The following CACNA2D1 variants were observed in gnomAD, a reference collection of about 807,000 sequenced individuals.
CACNA2D1 encodes voltage-dependent calcium channel subunit alpha-2/delta-1.
In CACNA2D1, 53 loss-of-function variants were observed where a neutral mutation model predicts 171.5. The observed-to-expected ratio is 0.31, with a 90% confidence interval of 0.25 to 0.39. The LOEUF (loss-of-function observed/expected upper bound fraction) is 0.39. Among genes scored for constraint, CACNA2D1 ranks in the 10% least tolerant of loss-of-function variants. The pLI is 1.00. For missense variants in CACNA2D1, 903 were observed against 1,299.8 expected, an observed-to-expected ratio of 0.69 and a Z score of 4.69; for synonymous variants, 442 against 443.1, an observed-to-expected ratio of 1.00 and a Z score of 0.03.
intron 3 of CACNA2D1, among the ~76,000 whole-genome samples, chr7:82,231,934 C>G (rs1469825699): frequency 6.6e-6 from 1 of 152,014 alleles, no homozygotes; most frequent in Non-Finnish European, 1.5e-5. Flanking sequence ...ATATTATAAC[C>G]AAGTCTTCAT....
At chr7:82,149,650 C>T (rs1793557030) in intron 4 of CACNA2D1, among the ~76,000 whole-genome samples, 1 of 151,922 alleles carries the variant, frequency 6.6e-6, no homozygotes, top group African/African-American at 2.4e-5. Flanking sequence ...AGAGTATGTG[C>T]TTGGCCGGGT....
intron 1 of CACNA2D1, among the ~76,000 whole-genome samples, chr7:82,384,510 A>T (rs919311819): frequency 6.6e-6 from 1 of 152,156 alleles, no homozygotes; most frequent in Non-Finnish European, 1.5e-5. Context: ...CTTTCATTTA[A>T]GCCACCCAGT....
chr7:82,303,143 G>A (rs543433609), intron 3 of CACNA2D1, among the ~76,000 whole-genome samples: 39 of 152,116 alleles, frequency 2.6e-4, no homozygotes, highest in African/African-American at 6.5e-4. Flanking sequence ...ACAGGCGCCC[G>A]CCACCATGCC....
At chr7:82,162,191 TAAAGGTGA>T (rs1241412664) in intron 4 of CACNA2D1, among the ~76,000 whole-genome samples, 1 of 151,926 alleles carries the variant, frequency 6.6e-6, no homozygotes, top group Non-Finnish European at 1.5e-5. Flanking sequence ...GGCCAGTGAG[TAAAGGTGA>T]AAATGTGAAA....
At chr7:82,012,271 G>T in intron 14 of CACNA2D1, 28 bp from the exon 15 acceptor site, 1 of 1,083,298 alleles carries the variant, frequency 9.2e-7, no homozygotes, top group Non-Finnish European at 1.4e-6. Context: ...AAAAAAAGTC[G>T]TGGTTAAAAC....
At chr7:82,180,516 C>G (rs1022821970) in intron 3 of CACNA2D1, among the ~76,000 whole-genome samples, 20 of 152,286 alleles carry the variant, frequency 1.3e-4, no homozygotes, top group African/African-American at 4.6e-4. Flanking sequence ...GGCAAAATCT[C>G]AGACCCTTTA....
chr7:82,422,367 C>T (rs1326599083), intron 1 of CACNA2D1, among the ~76,000 whole-genome samples: 4 of 152,004 alleles, frequency 2.6e-5, no homozygotes, highest in African/African-American at 4.8e-5. Flanking sequence ...TTATCAATAA[C>T]GTATTTGTTG....
chr7:82,157,281 C>A (rs761678337), intron 4 of CACNA2D1, among the ~76,000 whole-genome samples: 21 of 152,204 alleles, frequency 1.4e-4, no homozygotes, highest in Admixed American at 5.9e-4. Context: ...AGCCCCTACA[C>A]CAGAGAATCC....
Position 82,187,478 on chromosome 7 carries a change from TA to T in CACNA2D1, c.295-16870del, listed in dbSNP as rs1797887733. ...GTATTTATTACTCCAGCAACATCTG[TA>T]GATAAGATTTGTTAGCATTTTCAAT... On this transcript the variant is annotated intron_variant, in intron 3 of 38. Transcript: ENST00000356860. Among the ~76,000 whole-genome samples, 3 of 152,218 alleles carry T rather than the reference TA, an allele frequency of 2.0e-5. No homozygotes were observed. The South Asian group carries it at 6.2e-4, about 32-fold the overall frequency.
At chr7:82,252,172 G>C (rs1805723350) in intron 3 of CACNA2D1, among the ~76,000 whole-genome samples, 1 of 152,136 alleles carries the variant, frequency 6.6e-6, no homozygotes, top group South Asian at 2.1e-4. Context: ...ATTTCAGTAA[G>C]CTTCTTCCCT....
intron 24 of CACNA2D1, 63 bp downstream of exon 24, chr7:81,982,504 C>T (rs1284257233): frequency 4.5e-6 from 4 of 896,056 alleles, no homozygotes; most frequent in Non-Finnish European, 7.6e-6. Flanking sequence ...TGACTCAATT[C>T]TGAACTACTG....
chr7:81,994,870 C>A lies in CACNA2D1; in HGVS notation c.1732G>T (p.Glu578Ter), dbSNP rs1554343871. 1.4e-6 allele frequency: 2 copies of A among 1,409,296 alleles called. No homozygotes were observed. The highest frequency in any genetic ancestry group is 1.2e-5 in the South Asian group (1 of 86,612). The allele number at this position is 1,409,296 out of a possible 1,614,324, so 87.3% of individuals were successfully genotyped here. ...AATAAGCTAGAATCAATTCTTACCT[C>A]ATCTTGAGATTTAACCAGAGTTCTG... Reference protein sequence around the residue: ...TFRTLVKSQDERYIDKGNRTY... With the variant: ...TFRTLVKSQD Residue 578 changes from glutamate to a stop codon, truncating the protein, a stop_gained and splice_region_variant, in exon 20 of 39, where the codon GAG becomes TAG. Transcript: ENST00000356860. LOFTEE classifies it high-confidence loss of function.
chr7:82,179,694 T>C (rs1430543510), intron 3 of CACNA2D1, among the ~76,000 whole-genome samples: 1 of 152,146 alleles, frequency 6.6e-6, no homozygotes, highest in African/African-American at 2.4e-5. Flanking sequence ...CTGCCACTTA[T>C]GACCAGCAGC....
chr7:82,170,402 C>A (rs764098453), intron 4 of CACNA2D1, 148 bp downstream of exon 4: 1 of 765,086 alleles, frequency 1.3e-6, no homozygotes, highest in Non-Finnish European at 2.2e-6. Flanking sequence ...TACCCAAAAG[C>A]AATTTATTTA....
intron 38 of CACNA2D1, among the ~76,000 whole-genome samples, chr7:81,955,980 A>ATTT (rs1164601123): frequency 5.8e-4 from 20 of 34,546 alleles, no homozygotes; most frequent in East Asian, 1.4e-3. Flanking sequence ...ATATATATAT[A>ATTT]TTTTTTTTTT....
chr7:82,020,544 AGAT>A (rs1453549316), intron 12 of CACNA2D1, among the ~76,000 whole-genome samples: 3 of 152,096 alleles, frequency 2.0e-5, no homozygotes, highest in African/African-American at 4.8e-5. Context: ...ATGGTAATGA[AGAT>A]GATGATGAAG....
chr7:82,238,758 T>C (rs897041706), intron 3 of CACNA2D1, among the ~76,000 whole-genome samples: 1 of 152,114 alleles, frequency 6.6e-6, no homozygotes, highest in South Asian at 2.1e-4. Context: ...GTATGTCTGT[T>C]ACACAGAAGT....
At chr7:82,325,789 C>A (rs2129441971) in intron 3 of CACNA2D1, among the ~76,000 whole-genome samples, 1 of 152,236 alleles carries the variant, frequency 6.6e-6, no homozygotes, top group Middle Eastern at 3.4e-3. Context: ...TACAGCAGGT[C>A]CTCGAATAAT....
intron 11 of CACNA2D1, among the ~76,000 whole-genome samples, chr7:82,037,636 C>A (rs1219807818): frequency 1.3e-5 from 2 of 152,108 alleles, no homozygotes; most frequent in South Asian, 4.1e-4. Flanking sequence ...CCATTTGGAA[C>A]TTTCTGTACA....
Sources: gnomAD v4.1 joint callset for allele counts (sites outside exome capture counted in the v4.1 genomes callset) on GRCh38, gnomAD v4.1.1 for gene constraint, MANE v1.5 for transcripts, NCBI Gene and HGNC (gene_info 2026-07-23, HGNC 2026-07-21) for gene names.